Variants in FHIP1A observed in about 807,000 individuals in gnomAD.
FHIP1A encodes FHF complex subunit HOOK-interacting protein 1A.
In FHIP1A, 61 loss-of-function variants were observed where a neutral mutation model predicts 88.6. That is an observed-to-expected ratio of 0.69 (90% CI 0.56 to 0.85). The LOEUF (loss-of-function observed/expected upper bound fraction) is 0.85. Ranked by LOEUF, FHIP1A falls within the 40% of genes least tolerant of loss-of-function variation. The probability of loss-of-function intolerance (pLI) is 0.00; values close to 1 mark genes in which losing one functional copy is unlikely to be tolerated. For synonymous variants in FHIP1A, 478 were observed against 496.0 expected, an observed-to-expected ratio of 0.96 and a Z score of 0.48; for missense variants, 1,154 against 1,273.5, an observed-to-expected ratio of 0.91 and a Z score of 1.43.
chr4:151,509,028 C>T (rs1214557618), intron 3 of FHIP1A, among the ~76,000 whole-genome samples: 1 of 152,116 alleles, frequency 6.6e-6, no homozygotes, highest in African/African-American at 2.4e-5. Flanking sequence ...TTAAGCAGTG[C>T]TACAGTGCTA....
chr4:151,417,166 G>A (rs1732927121), intron 1 of FHIP1A, among the ~76,000 whole-genome samples: 1 of 152,178 alleles, frequency 6.6e-6, no homozygotes, highest in South Asian at 2.1e-4. Flanking sequence ...TTTATTGAAA[G>A]CGAAAGCACA....
At chr4:151,457,501 C>A (rs1171688256) in intron 2 of FHIP1A, among the ~76,000 whole-genome samples, 2 of 152,166 alleles carry the variant, frequency 1.3e-5, no homozygotes, top group Non-Finnish European at 2.9e-5. Context: ...TTTAGAAGAA[C>A]CTCACAAATT....
At chr4:151,605,349 T>C (rs1353009839) in intron 7 of FHIP1A, among the ~76,000 whole-genome samples, 2 of 152,160 alleles carry the variant, frequency 1.3e-5, no homozygotes. Context: ...TCGAGGTGAA[T>C]GTGCTGAAGT....
chr4:151,477,477 A>G (rs1003455337), intron 2 of FHIP1A, among the ~76,000 whole-genome samples: 15 of 152,158 alleles, frequency 9.9e-5, no homozygotes, highest in Non-Finnish European at 1.6e-4. Flanking sequence ...AGTAAGATAG[A>G]AAACTGAGAA....
rs1166705683 is a variant in FHIP1A, at chr4:151,649,883, C to T, written c.1842C>T (p.Pro614=). Residue 614 remains proline (P), a synonymous_variant, in exon 11 of 14, where the codon CCC becomes CCT. Coordinates refer to ENST00000435205, the MANE Select transcript of FHIP1A (RefSeq NM_001109977.3). ...GCCCCCCAGCACCCATTGATCCCCC[C>T]AAACACATCCAGGAGATGAAGAAGA... is the stretch of plus-strand genomic sequence containing the variant. ...VSGPPAPIDP[P]KHIQEMKKNA... The T allele has an allele frequency of 1.9e-6, 3 of 1,551,488 alleles. No homozygotes were observed. The highest frequency in any genetic ancestry group is 1.4e-5 in the African/African-American group (1 of 72,996).
intron 7 of FHIP1A, among the ~76,000 whole-genome samples, chr4:151,596,716 C>A (rs1316688472): frequency 6.6e-6 from 1 of 152,076 alleles, no homozygotes; most frequent in Admixed American, 6.6e-5. Flanking sequence ...AGGCTTTGTT[C>A]ATTCCTTTTC....
chr4:151,646,797 T>C, intron 10 of FHIP1A, 49 bp downstream of exon 10: 6 of 1,337,274 alleles, frequency 4.5e-6, no homozygotes, highest in Non-Finnish European at 6.2e-6. Flanking sequence ...GCCAGTTCCA[T>C]CTCGCCTTGG....
rs537891900 is a variant in FHIP1A at position 151,614,514 on chromosome 4, A to G, written c.979-15188A>G. On this transcript the variant is annotated intron_variant, in intron 7 of 13. Transcript: ENST00000435205. ...TTTGTGAACCTTGAATTTCAAATCA[A>G]GTTTGGCAGTCTGGTGTATATTTTC... Among the ~76,000 whole-genome samples the G allele has an allele frequency of 7.4e-4, 112 of 152,192 alleles. 2 individuals carry two copies. The highest frequency in any genetic ancestry group is 7.2e-4 in the Admixed American group (11 of 15,288).
Position 151,656,609 on chromosome 4 carries a change from C to A in FHIP1A, c.2731-151C>A. 1 of 985,606 alleles carries A rather than the reference C, an allele frequency of 1.0e-6. No homozygotes were observed. The highest frequency in any genetic ancestry group is 1.5e-6 in the Non-Finnish European group (1 of 671,316). The allele number at this position is 985,606 out of a possible 1,614,324, so 61.1% of individuals were successfully genotyped here. A position where few individuals can be genotyped will look rare whatever the true frequency, so the allele number is the denominator to read the frequency against. On this transcript the variant is annotated intron_variant, in intron 12 of 13. Transcript: ENST00000435205. This position sits in a 1 kb window ranked among gnomAD's most constrained non-coding sequence, Gnocchi z 4.2. ...CATTTAGTTTGATGTTTTGACGGTGCCCTACGCAGAACACCCAGGCAGTTA... is the reference window on the plus strand; with the variant it reads ...CATTTAGTTTGATGTTTTGACGGTGACCTACGCAGAACACCCAGGCAGTTA...
At chr4:151,593,910 C>G (rs912386386) in intron 7 of FHIP1A, among the ~76,000 whole-genome samples, 1 of 152,104 alleles carries the variant, frequency 6.6e-6, no homozygotes, top group Non-Finnish European at 1.5e-5. Flanking sequence ...TCATAAATAG[C>G]TCTTATTATT....
At chr4:151,597,035 CAA>C (rs1306111062) in intron 7 of FHIP1A, among the ~76,000 whole-genome samples, 1 of 152,130 alleles carries the variant, frequency 6.6e-6, no homozygotes, top group Non-Finnish European at 1.5e-5. Context: ...GTCAATTTGT[CAA>C]ACTCATTCTC....
At chr4:151,591,750 T>G (rs1210737373) in intron 7 of FHIP1A, among the ~76,000 whole-genome samples, 1 of 152,198 alleles carries the variant, frequency 6.6e-6, no homozygotes, top group African/African-American at 2.4e-5. Flanking sequence ...GGTTTCCAGC[T>G]TCATCCATGT....
chr4:151,504,848 C>T (rs190882383), intron 3 of FHIP1A, among the ~76,000 whole-genome samples: 3 of 152,280 alleles, frequency 2.0e-5, no homozygotes, highest in African/African-American at 7.2e-5. Context: ...AAACTGCTGC[C>T]TGCAGGTGAT....
intron 7 of FHIP1A, among the ~76,000 whole-genome samples, chr4:151,609,390 A>T (rs570207077): frequency 6.6e-6 from 1 of 152,292 alleles, no homozygotes; most frequent in South Asian, 2.1e-4. Flanking sequence ...ATGTACCCAG[A>T]CATTTAGATC....
At chr4:151,591,180 T>C (rs1169946329) in intron 7 of FHIP1A, among the ~76,000 whole-genome samples, 4 of 151,946 alleles carry the variant, frequency 2.6e-5, no homozygotes, top group African/African-American at 9.7e-5. Flanking sequence ...GGCTCTTGGC[T>C]CCTTATGTGG....
At chr4:151,432,173 G>T (rs560303291) in intron 1 of FHIP1A, among the ~76,000 whole-genome samples, 13 of 152,350 alleles carry the variant, frequency 8.5e-5, no homozygotes, top group Admixed American at 2.6e-4. Context: ...CAAGGGCCTA[G>T]TATGTGTAAA....
At chr4:151,454,547 C>G (rs568877890) in intron 1 of FHIP1A, among the ~76,000 whole-genome samples, 154 bp from the exon 2 acceptor site, 2 of 152,100 alleles carry the variant, frequency 1.3e-5, no homozygotes, top group Admixed American at 1.3e-4. Flanking sequence ...GTTTAAAACA[C>G]GCATGTCCCT....
intron 3 of FHIP1A, among the ~76,000 whole-genome samples, chr4:151,538,401 A>C (rs538079512): frequency 6.6e-6 from 1 of 152,292 alleles, no homozygotes; most frequent in East Asian, 1.9e-4. Context: ...CACCTCTTGC[A>C]TCTGTCCTGT....
At chr4:151,578,135 G>A in intron 5 of FHIP1A, 59 bp downstream of exon 5, 1 of 1,431,564 alleles carries the variant, frequency 7.0e-7, no homozygotes, top group Non-Finnish European at 9.4e-7. Flanking sequence ...TCTGTTGCTA[G>A]TGATGAATAC....
Sources: gnomAD v4.1 joint callset for allele counts (sites outside exome capture counted in the v4.1 genomes callset) on GRCh38, gnomAD v4.1.1 for gene constraint, Gnocchi (gnomAD v3.1) non-coding constraint, MANE v1.5 for transcripts, NCBI Gene and HGNC (gene_info 2026-07-23, HGNC 2026-07-21) for gene names.